Variants in ATP7B observed in about 807,000 individuals in gnomAD.
The protein encoded by ATP7B is ATPase copper transporting beta.
ATP7B carries 113 observed loss-of-function variants against 118.9 expected under a neutral mutation model. The observed-to-expected ratio is 0.95, with a 90% CI of 0.82 to 1.11. ATP7B has a LOEUF of 1.11. Among genes scored for constraint, ATP7B ranks in the 50% most tolerant of loss-of-function variants. ATP7B has a pLI of 0.00. For synonymous variants in ATP7B, 777 were observed against 727.4 expected, an observed-to-expected ratio of 1.07 and a Z score of -1.10; for missense variants, 1,867 against 1,871.4, an observed-to-expected ratio of 1.00 and a Z score of 0.04.
chr13:51,986,900 G>A (rs1435313399), intron 1 of ATP7B, among the ~76,000 whole-genome samples: 1 of 152,014 alleles, frequency 6.6e-6, no homozygotes, highest in Non-Finnish European at 1.5e-5. Flanking sequence ...AATAAACTAG[G>A]TACTGATGGG....
At position 51,934,963 on chromosome 13, in the gene ATP7B, T is replaced by C; in HGVS notation, c.4191A>G (p.Ala1397=). 1.2e-6 allele frequency: 2 copies of C among 1,614,082 alleles called. No homozygotes were observed. ...QAHGHMKPLT[A]SQVSVHIGMD... is the part of the protein sequence containing the mutation. ...TGCCTATGTGCACACTGACCTGGGA[T>C]GCCGTCAGGGGCTTCATGTGGCCAT... The change falls in exon 21 of 21, where the codon GCA becomes GCG. Residue 1397 remains alanine, a synonymous_variant. Coordinates refer to ENST00000242839, the MANE Select transcript of ATP7B (RefSeq NM_000053.4).
intron 1 of ATP7B, chr13:51,995,234 G>C: frequency 3.2e-6 from 3 of 931,014 alleles, no homozygotes; most frequent in Non-Finnish European, 3.8e-6. Context: ...TCCCACACAA[G>C]AGACATGGAG....
At chr13:51,944,872 G>T (rs1957551776) in intron 13 of ATP7B, among the ~76,000 whole-genome samples, 1 of 152,200 alleles carries the variant, frequency 6.6e-6, no homozygotes, top group Admixed American at 6.5e-5. Flanking sequence ...GATATGGGCA[G>T]CAGCTACATT....
In ATP7B at chr13:51,967,020, A is replaced by T. The variant is rs1007216467; in HGVS notation, c.1707+1424T>A. 3 of 1,612,420 alleles carry T rather than the reference A, an allele frequency of 1.9e-6. No individual in the cohort carries two copies. The East Asian group carries it at 6.7e-5, about 36-fold the overall frequency. ...CTGTCTGCAACTTTACAGATGGTGC[A>T]TTGGTTCAGCATCAGGAGTGGGATG... On this transcript the variant is annotated intron_variant, in intron 4 of 20. Transcript: ENST00000242839.
At chr13:51,976,214 C>T (rs1251873366) in intron 1 of ATP7B, among the ~76,000 whole-genome samples, 1 of 152,176 alleles carries the variant, frequency 6.6e-6, no homozygotes, top group African/African-American at 2.4e-5. Flanking sequence ...CATAAAAAAG[C>T]ACATTTCTCT....
rs764108297 is a variant in ATP7B at position 51,942,514 on chromosome 13, TG to T, written c.3283del (p.Gln1095ArgfsTer26). ...TETLGYCTDF[Q>X]AVPGCGIGCK... ...CCCAATTCCACAGCCTGGCACTGCC[TG>T]GAAGTCCGTGCAGTATCCCAAGGTC... is the stretch of plus-strand genomic sequence containing the variant. On this transcript the variant is annotated frameshift_variant, in exon 15 of 21. Coordinates refer to ENST00000242839, the MANE Select transcript of ATP7B (RefSeq NM_000053.4). LOFTEE classifies it high-confidence loss of function. 1.2e-6 allele frequency: 2 copies of T among 1,614,022 alleles called. No individual in the cohort carries two copies. The highest frequency in any genetic ancestry group is 2.7e-5 in the African/African-American group (2 of 74,886).
At chr13:52,008,225 A>T (rs1953868180) in intron 1 of ATP7B, among the ~76,000 whole-genome samples, 3 of 152,212 alleles carry the variant, frequency 2.0e-5, no homozygotes, top group Non-Finnish European at 2.9e-5. Context: ...CTGTAATCCC[A>T]GCTACTCAGG....
chr13:51,987,552 G>GA (rs1440942426), intron 1 of ATP7B, among the ~76,000 whole-genome samples: 4 of 152,146 alleles, frequency 2.6e-5, no homozygotes, highest in African/African-American at 7.2e-5. Context: ...CACAGAATTA[G>GA]AAAAAACTAC....
chr13:51,965,173 C>G, intron 4 of ATP7B, 140 bp from the exon 5 acceptor site: 1 of 1,011,656 alleles, frequency 9.9e-7, no homozygotes, highest in Non-Finnish European at 1.5e-6. Context: ...ACTCCACCTC[C>G]AAACCCCGCA....
At chr13:51,951,112 G>C (rs769593233) in intron 9 of ATP7B, among the ~76,000 whole-genome samples, 74 of 152,182 alleles carry the variant, frequency 4.9e-4, no homozygotes, top group Admixed American at 2.4e-3. Flanking sequence ...GATGATCACA[G>C]GAGTGAGGGG....
chr13:51,952,031 A>G (rs551788204), intron 9 of ATP7B, among the ~76,000 whole-genome samples: 4 of 152,364 alleles, frequency 2.6e-5, no homozygotes, highest in African/African-American at 9.6e-5. Flanking sequence ...GAAGGCAAAG[A>G]CAACAGCGAA....
intron 9 of ATP7B, among the ~76,000 whole-genome samples, chr13:51,953,219 C>T (rs1011915553): frequency 5.9e-5 from 9 of 152,284 alleles, no homozygotes; most frequent in Non-Finnish European, 1.0e-4. Flanking sequence ...GAACATTGCC[C>T]TTGAGGCCCC....
At chr13:51,941,311 C>A (rs1176973494) in intron 15 of ATP7B, 87 bp from the exon 16 acceptor site, 6 of 1,519,546 alleles carry the variant, frequency 3.9e-6, no homozygotes, top group Admixed American at 1.7e-5. Flanking sequence ...AGCAAAATAT[C>A]CTTTTAACCA....
intron 9 of ATP7B, among the ~76,000 whole-genome samples, chr13:51,951,688 G>C (rs1958017276): frequency 6.6e-6 from 1 of 152,182 alleles, no homozygotes; most frequent in Non-Finnish European, 1.5e-5. Flanking sequence ...AGGAAAATGA[G>C]AGTGGGGATG....
At chr13:51,958,582 G>A in intron 7 of ATP7B, 38 bp from the exon 8 acceptor site, 4 of 1,586,386 alleles carry the variant, frequency 2.5e-6, no homozygotes, top group Non-Finnish European at 3.5e-6. Context: ...CAGCAAGTAG[G>A]GAGGAGAGTT....
intron 1 of ATP7B, among the ~76,000 whole-genome samples, chr13:51,996,231 C>A (rs1488933359): frequency 6.6e-6 from 1 of 152,194 alleles, no homozygotes; most frequent in Non-Finnish European, 1.5e-5. Flanking sequence ...AACTGGCTAA[C>A]AAGGCTCATC....
rs753491515 is a variant in ATP7B, at chr13:51,950,272, C to G, written c.2575G>C (p.Gly859Arg). ...NTMADESLIT[G>R]EAMPVTKKPG... ...GGGAACATGAAACAAGCCATCTCAC[C>G]TGTGATGAGGGACTCATCAGCCATG... Residue 859 changes from glycine to arginine, a missense_variant and splice_region_variant, in exon 10 of 21, where the codon GGA becomes CGA. Coordinates refer to ENST00000242839, the MANE Select transcript of ATP7B (RefSeq NM_000053.4). The G allele has an allele frequency of 6.2e-7, 1 of 1,614,184 alleles. No individual in the cohort carries two copies. Among genetic ancestry groups the G allele is most frequent in the Non-Finnish European group, 8.5e-7 (1 of 1,180,018 alleles).
upstream of ATP7B, among the ~76,000 whole-genome samples, chr13:52,011,751 GTCC>G (rs1362070257): frequency 6.6e-6 from 1 of 152,244 alleles, no homozygotes; most frequent in Admixed American, 6.5e-5. Flanking sequence ...GCGGAGGCCT[GTCC>G]TCCTCCGCGG....
In ATP7B at chr13:51,973,962, T is replaced by G; in HGVS notation, c.1258A>C (p.Met420Leu). The G allele has an allele frequency of 6.2e-7, 1 of 1,614,248 alleles. No individual in the cohort carries two copies. The highest frequency in any genetic ancestry group is 8.5e-7 in the Non-Finnish European group (1 of 1,180,046). ...PEELRAAIED[M>L]GFEASVVSES... ...GAAACGACTGAAGCCTCAAATCCCA[T>G]GTCTTCTATAGCAGCTCTGAGTTCT... The change falls in exon 2 of 21, where the codon ATG (methionine) becomes CTG (leucine). Residue 420 changes from methionine to leucine, a missense_variant. Transcript: ENST00000242839.
Sources: gnomAD v4.1 joint callset for allele counts (sites outside exome capture counted in the v4.1 genomes callset) on GRCh38, gnomAD v4.1.1 for gene constraint, MANE v1.5 for transcripts, NCBI Gene and HGNC (gene_info 2026-07-23, HGNC 2026-07-21) for gene names.